Variants in CD63 observed in about 807,000 individuals in gnomAD.
CD63 encodes CD63 molecule.
CD63 carries 16 observed loss-of-function variants against 29.2 expected under a neutral mutation model. That is an observed-to-expected ratio of 0.55 (90% confidence interval 0.37 to 0.83). The LOEUF (loss-of-function observed/expected upper bound fraction) is 0.83, where lower values mean the gene tolerates loss of function less well. Among genes scored for constraint, CD63 ranks in the 40% least tolerant of loss-of-function variants. The probability of loss-of-function intolerance (pLI) is 0.00; values close to 1 mark genes in which losing one functional copy is unlikely to be tolerated. For synonymous variants in CD63, 118 were observed against 111.7 expected, an observed-to-expected ratio of 1.06 and a Z score of -0.36; for missense variants, 251 against 297.3, an observed-to-expected ratio of 0.84 and a Z score of 1.15.
chr12:55,725,255 G>A, downstream of CD63: 1 of 436,310 alleles, frequency 2.3e-6, no homozygotes. Flanking sequence ...AGTGAGCCTG[G>A]CAGCATAAGA....
rs1044550456 is a variant in CD63 at position 55,725,608 on chromosome 12, C to T, written c.670G>A (p.Ala224Thr). The T allele has an allele frequency of 1.9e-6, 3 of 1,614,086 alleles. No homozygotes were observed. Among genetic ancestry groups the T allele is most frequent in the Non-Finnish European group, 1.7e-6 (2 of 1,180,022 alleles). Residue 224 changes from alanine (A) to threonine (T), a missense_variant, in exon 8 of 8, where the codon GCC becomes ACC. Coordinates refer to ENST00000257857, the MANE Select transcript of CD63 (RefSeq NM_001780.6). ...AFVEVLGIVF[A>T]CCLVKSIRSG... ...CTGATACTCTTCACGAGGCAGCAGG[C>T]AAAGACAATTCCCAAAACCTAGAAG... is the stretch of plus-strand genomic sequence containing the variant.
In CD63 at chr12:55,728,484, G is replaced by A. The variant is rs1877668914; in HGVS notation, c.-11-132C>T. The A allele has an allele frequency of 6.7e-7, 1 of 1,487,424 alleles. No homozygotes were observed. Among genetic ancestry groups the A allele is most frequent in the African/African-American group, 1.4e-5 (1 of 72,052 alleles). 92.1% of individuals were successfully genotyped at this position (1,487,424 alleles called of 1,614,324 possible). ...GGCCCCTCCCACCCGGAAACCCGCG[G>A]TCGGATCCACGTCTCCCAGCCCCCT... On this transcript the variant is annotated intron_variant, in intron 1 of 7. Transcript: ENST00000257857. This position sits in a 1 kb window ranked among gnomAD's most constrained non-coding sequence, Gnocchi z 4.8.
rs1565660502 is a variant in CD63, at chr12:55,728,968, C to T, written c.-27G>A. 1.0e-6 allele frequency: 1 copy of T among 985,468 alleles called. No individual in the cohort carries two copies. Among genetic ancestry groups the T allele is most frequent in the African/African-American group, 1.7e-5 (1 of 57,302 alleles). 61.0% of individuals were successfully genotyped at this position (985,468 alleles called of 1,614,324 possible). On this transcript the variant is annotated 5_prime_UTR_variant, in exon 1 of 8. Coordinates refer to ENST00000257857, the MANE Select transcript of CD63 (RefSeq NM_001780.6). This position sits in a 1 kb window ranked among gnomAD's most constrained non-coding sequence, Gnocchi z 4.8. ...GCGGCCTCACCTGGGCTTCCCAAGG[C>T]TGGCTGCGCGTTCCTCTCCCGCCGC...
In CD63 at chr12:55,725,897, C is replaced by G; in HGVS notation, c.568-1G>C. ...AGCCCCCAATCTTCTCCACACAGCC[C>G]TGAAGGTGGCAGGCACAAAGGACAA... On this transcript the variant is annotated splice_acceptor_variant, in intron 6 of 7. Coordinates refer to ENST00000257857, the MANE Select transcript of CD63 (RefSeq NM_001780.6). LOFTEE classifies it high-confidence loss of function. 1 of 1,613,890 alleles carries G rather than the reference C, an allele frequency of 6.2e-7. No homozygotes were observed. Among genetic ancestry groups the G allele is most frequent in the South Asian group, 1.1e-5 (1 of 91,050 alleles).
In CD63 at chr12:55,728,862, C is replaced by T; in HGVS notation, c.-12+91G>A. ...GGCGGCTGGAGAGCGCCGGACGAGT[C>T]TCCGCGGGCCTGGGGCGAGCCCTGG... On this transcript the variant is annotated intron_variant, in intron 1 of 7. Transcript: ENST00000257857. The surrounding 1 kb of genome is among the most constrained non-coding windows in gnomAD (Gnocchi z 4.8). 1.7e-5 allele frequency: 17 copies of T among 988,858 alleles called. No individual in the cohort carries two copies. The highest frequency in any genetic ancestry group is 2.0e-5 in the Non-Finnish European group (17 of 831,986). The allele number at this position is 988,858 out of a possible 1,614,324, so 61.3% of individuals were successfully genotyped here.
Position 55,726,381 on chromosome 12 carries a change from G to A in CD63, c.427-120C>T, listed in dbSNP as rs928370083. The stretch of plus-strand genomic sequence containing the variant: ...TTTTGAGACAGAGACTTGCTCTGTT[G>A]CCCAGACAAGTGCCCAGCGGTGGCT... On this transcript the variant is annotated intron_variant, in intron 5 of 7. Coordinates refer to ENST00000257857, the MANE Select transcript of CD63 (RefSeq NM_001780.6). 2.1e-5 allele frequency: 18 copies of A among 838,674 alleles called. No individual in the cohort carries two copies. In the African/African-American group the frequency reaches 3.4e-4, roughly 16 times the overall value. 52.0% of individuals were successfully genotyped at this position (838,674 alleles called of 1,614,324 possible).
downstream of CD63, chr12:55,723,837 C>A (rs1279396217): frequency 1.2e-6 from 2 of 1,605,958 alleles, no homozygotes; most frequent in South Asian, 1.1e-5. Flanking sequence ...CTCAAAGTCC[C>A]CTCCCTATAG....
chr12:55,725,261 T>G, downstream of CD63: 1 of 453,648 alleles, frequency 2.2e-6, no homozygotes, highest in Non-Finnish European at 4.0e-6. Flanking sequence ...CCTGGCAGCA[T>G]AAGACTAGGG....
chr12:55,723,560 T>C (rs1051938870), downstream of CD63: 63 of 328,188 alleles, frequency 1.9e-4, no homozygotes, highest in African/African-American at 1.3e-3. Context: ...GTTTTTTTTA[T>C]TTTTAAATGG....
At chr12:55,724,646 T>A, downstream of CD63, 1 of 1,054,486 alleles carries the variant, frequency 9.5e-7, no homozygotes, top group African/African-American at 1.6e-5. Context: ...AAATAAGCAC[T>A]AACAAAAGTG....
downstream of CD63, among the ~76,000 whole-genome samples, chr12:55,725,022 C>A (rs1364410695): frequency 6.6e-6 from 1 of 152,132 alleles, no homozygotes; most frequent in African/African-American, 2.4e-5. Context: ...CACATAAATT[C>A]TCCTGCTAAG....
At chr12:55,724,379 T>G, downstream of CD63, 1 of 1,614,148 alleles carries the variant, frequency 6.2e-7, no homozygotes, top group East Asian at 2.2e-5. Context: ...CTAACCAAGG[T>G]GAGCCGATGC....
At chr12:55,726,821 C>G in intron 4 of CD63, 26 bp from the exon 5 acceptor site, 1 of 1,606,014 alleles carries the variant, frequency 6.2e-7, no homozygotes, top group Non-Finnish European at 8.5e-7. Flanking sequence ...AGCACTGTTG[C>G]AGTCAGAATT....
At chr12:55,727,049 C>T in intron 3 of CD63, 85 bp from the exon 4 acceptor site, 1 of 1,568,156 alleles carries the variant, frequency 6.4e-7, no homozygotes, top group Non-Finnish European at 8.7e-7. Context: ...TGGACACTCA[C>T]AAAGGTCTTC....
In CD63 at chr12:55,726,809, G is replaced by C; in HGVS notation, c.331-14C>G. On this transcript the variant is annotated splice_polypyrimidine_tract_variant and intron_variant, in intron 4 of 7. Transcript: ENST00000257857. ...CTCTGACATCACCTGAGAGTACGGA[G>C]GAGCACTGTTGCAGTCAGAATTCAA... The C allele has an allele frequency of 1.2e-6, 2 of 1,610,036 alleles. No homozygotes were observed. Among genetic ancestry groups the C allele is most frequent in the Non-Finnish European group, 1.7e-6 (2 of 1,176,238 alleles).
chr12:55,729,693 C>T (rs1424473739), upstream of CD63: 1 of 152,262 alleles, frequency 6.6e-6, no homozygotes, highest in Non-Finnish European at 1.5e-5. Flanking sequence ...GGAGGAAGCC[C>T]TTCCCCGAAG....
At chr12:55,729,198 C>A, upstream of CD63, 1 of 944,412 alleles carries the variant, frequency 1.1e-6, no homozygotes, top group African/African-American at 1.8e-5. Context: ...TGGCCCCTAC[C>A]CGGAAGAAGG....
At chr12:55,727,391 C>A (rs767729381) in intron 2 of CD63, 52 bp from the exon 3 acceptor site, 7 of 1,530,422 alleles carry the variant, frequency 4.6e-6, no homozygotes, top group African/African-American at 1.4e-5. Flanking sequence ...CAGTGGCCCT[C>A]CATGGTGGAG....
upstream of CD63, chr12:55,729,763 T>G (rs1162555543): frequency 6.6e-6 from 1 of 152,272 alleles, no homozygotes; most frequent in Admixed American, 6.5e-5. Context: ...GGGGGAGGAT[T>G]GACAAGGTCT....
Sources: gnomAD v4.1 joint callset for allele counts (sites outside exome capture counted in the v4.1 genomes callset) on GRCh38, gnomAD v4.1.1 for gene constraint, Gnocchi (gnomAD v3.1) non-coding constraint, MANE v1.5 for transcripts, NCBI Gene and HGNC (gene_info 2026-07-23, HGNC 2026-07-21) for gene names.